Variants in CDH4 observed in about 807,000 individuals in gnomAD.
The protein encoded by CDH4 is cadherin-4.
CDH4 carries 33 observed loss-of-function variants against 86.0 expected under a neutral mutation model. That is an observed-to-expected ratio of 0.38 (90% CI 0.29 to 0.51). The LOEUF (loss-of-function observed/expected upper bound fraction) is 0.51. Ranked by LOEUF, CDH4 falls within the 20% of genes least tolerant of loss-of-function variation. The pLI is 0.86. For missense variants in CDH4, 1,114 were observed against 1,307.4 expected, an observed-to-expected ratio of 0.85 and a Z score of 2.28; for synonymous variants, 555 against 549.4, an observed-to-expected ratio of 1.01 and a Z score of -0.14.
At chr20:61,936,426 C>A (rs1468493167) in intron 15 of CDH4, among the ~76,000 whole-genome samples, 3 of 62,546 alleles carry the variant, frequency 4.8e-5, no homozygotes, top group African/African-American at 1.5e-4. Context: ...ACACCCCCCC[C>A]CCCATCTGCC....
At chr20:61,662,777 G>T (rs896929406) in intron 2 of CDH4, among the ~76,000 whole-genome samples, 1 of 152,202 alleles carries the variant, frequency 6.6e-6, no homozygotes, top group Non-Finnish European at 1.5e-5. Flanking sequence ...GGGTACCTGT[G>T]CACGCAAATG....
rs748808232 is a variant in CDH4 at position 61,516,970 on chromosome 20, T to C, written c.170-226593T>C. 6.6e-6 allele frequency among the ~76,000 whole-genome samples: 1 copy of C among 152,154 alleles called. No individual in the cohort carries two copies. The highest frequency in any genetic ancestry group is 2.4e-5 in the African/African-American group (1 of 41,436). On this transcript the variant is annotated intron_variant, in intron 2 of 15. Coordinates refer to ENST00000614565, the MANE Select transcript of CDH4 (RefSeq NM_001794.5). This position sits in a 1 kb window ranked among gnomAD's most constrained non-coding sequence, Gnocchi z 4.0. ...GTGTTTTCAATGTATTGGGATGTCA[T>C]GCACGCCCTGAAAAATGCAGGCATG...
intron 2 of CDH4, among the ~76,000 whole-genome samples, chr20:61,324,592 C>G (rs2084527046): frequency 6.6e-6 from 1 of 152,190 alleles, no homozygotes; most frequent in South Asian, 2.1e-4. Context: ...CTTGTAAGGA[C>G]AGCAGTCATG....
chr20:61,565,659 C>T (rs73136647), intron 2 of CDH4, among the ~76,000 whole-genome samples: 29,308 of 151,912 alleles, frequency 0.19, 3,136 homozygotes, highest in Middle Eastern at 0.3. Context: ...GCAGCTGGGG[C>T]CACAGACCCC....
intron 2 of CDH4, among the ~76,000 whole-genome samples, chr20:61,362,084 G>C (rs764905873): frequency 1.3e-5 from 2 of 152,242 alleles, no homozygotes; most frequent in Admixed American, 6.5e-5. Context: ...TAGCCAGCAT[G>C]GTCGGTGAAG....
intron 2 of CDH4, among the ~76,000 whole-genome samples, chr20:61,382,688 T>C (rs6121419): frequency 0.25 from 37,425 of 152,070 alleles, 4,990 homozygotes; most frequent in African/African-American, 0.34. Flanking sequence ...CTTCCAGCCT[T>C]GGGCGGCCAT....
intron 2 of CDH4, among the ~76,000 whole-genome samples, chr20:61,304,548 G>C (rs896527613): frequency 6.6e-6 from 1 of 151,968 alleles, no homozygotes; most frequent in Non-Finnish European, 1.5e-5. Flanking sequence ...TATGCTGTGT[G>C]TTTTGTATGT....
At chr20:61,412,701 C>T (rs989173708) in intron 2 of CDH4, among the ~76,000 whole-genome samples, 15 of 152,180 alleles carry the variant, frequency 9.9e-5, no homozygotes, top group Non-Finnish European at 1.6e-4. Flanking sequence ...AGCTCCAGGT[C>T]GACTTTATTC....
chr20:61,649,809 G>A (rs543768320), intron 2 of CDH4, among the ~76,000 whole-genome samples: 1 of 152,334 alleles, frequency 6.6e-6, no homozygotes, highest in East Asian at 1.9e-4. Context: ...CTTGGCCCTG[G>A]ACTCACTCGT....
intron 3 of CDH4, among the ~76,000 whole-genome samples, chr20:61,757,394 C>T (rs1407962030): frequency 1.2e-4 from 18 of 152,254 alleles, no homozygotes; most frequent in Admixed American, 1.2e-3. Flanking sequence ...TTGCTTCTTT[C>T]AGGCCTGAGA....
chr20:61,508,315 G>A (rs1415905158), intron 2 of CDH4, among the ~76,000 whole-genome samples: 1 of 152,224 alleles, frequency 6.6e-6, no homozygotes, highest in Non-Finnish European at 1.5e-5. Flanking sequence ...GCCTGGAGAG[G>A]TCCCCACCGG....
chr20:61,637,912 T>G (rs1384117509), intron 2 of CDH4, among the ~76,000 whole-genome samples: 3 of 151,676 alleles, frequency 2.0e-5, no homozygotes. Flanking sequence ...GCCCAGCTAT[T>G]TGGGAGGCTG....
intron 2 of CDH4, among the ~76,000 whole-genome samples, chr20:61,576,207 T>G (rs1444343499): frequency 6.6e-6 from 1 of 152,176 alleles, no homozygotes; most frequent in Non-Finnish European, 1.5e-5. Flanking sequence ...ATTTTTTGTG[T>G]GTGAACATAA....
At chr20:61,373,374 A>G (rs898393236) in intron 2 of CDH4, among the ~76,000 whole-genome samples, 2 of 152,226 alleles carry the variant, frequency 1.3e-5, no homozygotes, top group African/African-American at 2.4e-5. Context: ...GAAATGGGCT[A>G]TGCCCTTTAG....
chr20:61,680,575 G>A (rs552963609), intron 2 of CDH4, among the ~76,000 whole-genome samples: 11 of 152,282 alleles, frequency 7.2e-5, no homozygotes, highest in East Asian at 3.9e-4. Flanking sequence ...GGGGAAGGGC[G>A]GGGAGAAACA....
intron 4 of CDH4, among the ~76,000 whole-genome samples, chr20:61,842,749 G>A (rs1454302460): frequency 6.6e-6 from 1 of 152,022 alleles, no homozygotes; most frequent in Admixed American, 6.6e-5. Context: ...AAGTTTCTGT[G>A]TCATCTTTAT....
chr20:61,712,551 T>TCTCCTCCCCTCCTTTCTTC (rs1360137043), intron 2 of CDH4, among the ~76,000 whole-genome samples: 1 of 151,794 alleles, frequency 6.6e-6, no homozygotes, highest in African/African-American at 2.4e-5. Context: ...CTCCCCAACC[T>TCTCCTCCCCTCCTTTCTTC]CTCCTCCCCT....
intron 2 of CDH4, among the ~76,000 whole-genome samples, chr20:61,545,694 T>C (rs902917724): frequency 6.6e-6 from 1 of 152,244 alleles, no homozygotes; most frequent in Non-Finnish European, 1.5e-5. Context: ...CCGCTCATGC[T>C]TGGCGCCAGC....
At chr20:61,521,614 G>A (rs1236611159) in intron 2 of CDH4, among the ~76,000 whole-genome samples, 5 of 152,184 alleles carry the variant, frequency 3.3e-5, no homozygotes, top group African/African-American at 4.8e-5. Flanking sequence ...CAACAAGGTC[G>A]AGGAGTCACT....
Sources: allele counts gnomAD v4.1 joint callset (sites outside exome capture counted in the v4.1 genomes callset), GRCh38; gene constraint gnomAD v4.1.1; non-coding constraint Gnocchi (gnomAD v3.1); transcripts MANE v1.5; gene names NCBI Gene and HGNC (gene_info 2026-07-23, HGNC 2026-07-21).